Variants in ALG5 observed in about 807,000 individuals in gnomAD.
ALG5 encodes the protein ALG5 dolichyl-phosphate beta-glucosyltransferase, also known as dolichyl-phosphate beta-glucosyltransferase.
In ALG5, 26 loss-of-function variants were observed where a neutral mutation model predicts 51.8. The observed-to-expected ratio is 0.50, with a 90% CI of 0.37 to 0.70. The LOEUF is 0.70. ALG5 is among the 30% of genes least tolerant of loss of function. The pLI, the probability that ALG5 is intolerant of heterozygous loss-of-function variation, is 0.00. For missense variants in ALG5, 311 were observed against 399.3 expected, an observed-to-expected ratio of 0.78 and a Z score of 1.88; for synonymous variants, 141 against 136.1, an observed-to-expected ratio of 1.04 and a Z score of -0.25.
chr13:36,969,822 A>G (rs1290103664), intron 7 of ALG5, among the ~76,000 whole-genome samples: 1 of 152,166 alleles, frequency 6.6e-6, no homozygotes, highest in Non-Finnish European at 1.5e-5. Flanking sequence ...GGTGTGAGCC[A>G]CTGTGTCCAG....
rs371038041 is a variant in ALG5, at chr13:36,959,836, T to A, written c.773+5739A>T. Among the ~76,000 whole-genome samples the A allele has an allele frequency of 8.0e-4, 121 of 152,106 alleles. 1 individual carries two copies. The highest frequency in any genetic ancestry group is 2.8e-3 in the African/African-American group (118 of 41,526). On this transcript the variant is annotated intron_variant, in intron 8 of 9. Coordinates refer to ENST00000239891, the MANE Select transcript of ALG5 (RefSeq NM_013338.5). ...TAGAAAGTTAATAGAGGAATGTGCT[T>A]TACTAACATGGGGGTATAAATAAGG...
intron 8 of ALG5, among the ~76,000 whole-genome samples, chr13:36,963,350 G>A (rs1469442878): frequency 6.6e-6 from 1 of 152,132 alleles, no homozygotes; most frequent in African/African-American, 2.4e-5. Context: ...TCCTGACAGG[G>A]AAGCTTCATG....
intron 6 of ALG5, among the ~76,000 whole-genome samples, chr13:36,977,497 T>TA (rs2058957425): frequency 6.6e-6 from 1 of 151,698 alleles, no homozygotes; most frequent in African/African-American, 2.4e-5. Flanking sequence ...CCAACTCATT[T>TA]AAAAAAACAA....
rs2058930857 is a variant in ALG5, at chr13:36,972,794, C to T, written c.562-758G>A. 3.3e-5 allele frequency among the ~76,000 whole-genome samples: 5 copies of T among 152,074 alleles called. No individual in the cohort carries two copies. The South Asian group carries it at 1.0e-3, about 31-fold the overall frequency. ...GATCACGAGGTCAGGAGATCGAGAT[C>T]ATCCTGGCTAACACAGCGAAACCCC... On this transcript the variant is annotated intron_variant, in intron 6 of 9. Transcript: ENST00000239891.
At chr13:36,950,375 C>T (rs910750551) in intron 9 of ALG5, among the ~76,000 whole-genome samples, 8 of 152,258 alleles carry the variant, frequency 5.3e-5, no homozygotes, top group African/African-American at 1.9e-4. Flanking sequence ...TCACTGAGTG[C>T]TCATTACTGA....
At chr13:36,982,109 AAAC>A (rs200434481) in intron 6 of ALG5, among the ~76,000 whole-genome samples, 3,053 of 152,230 alleles carry the variant, frequency 0.02, 74 homozygotes, top group East Asian at 0.081. Context: ...ACAAACAAAC[AAAC>A]AACAACAACA....
intron 3 of ALG5, 34 bp downstream of exon 3, chr13:36,994,955 T>A: frequency 4.4e-6 from 7 of 1,586,172 alleles, no homozygotes; most frequent in Non-Finnish European, 6.0e-6. Flanking sequence ...TAGTTTTAAT[T>A]GGAGATATCA....
At chr13:36,968,477 A>C (rs2058905545) in intron 7 of ALG5, among the ~76,000 whole-genome samples, 1 of 152,242 alleles carries the variant, frequency 6.6e-6, no homozygotes, top group African/African-American at 2.4e-5. Flanking sequence ...TTTTAAAATG[A>C]TAAATTCAAG....
intron 7 of ALG5, among the ~76,000 whole-genome samples, chr13:36,966,147 C>T (rs2058892471): frequency 6.6e-6 from 1 of 152,130 alleles, no homozygotes; most frequent in African/African-American, 2.4e-5. Flanking sequence ...TATAAGCCTG[C>T]AGTTGATACT....
chr13:36,956,441 C>T (rs992796571), intron 8 of ALG5, among the ~76,000 whole-genome samples: 13 of 152,212 alleles, frequency 8.5e-5, no homozygotes, highest in African/African-American at 3.1e-4. Context: ...AAACTAAAAA[C>T]AGAATTACCA....
At chr13:36,957,057 G>A (rs1419822323) in intron 8 of ALG5, among the ~76,000 whole-genome samples, 1 of 151,838 alleles carries the variant, frequency 6.6e-6, no homozygotes, top group Non-Finnish European at 1.5e-5. Flanking sequence ...GCTAACCAAT[G>A]GAAATTACTT....
At chr13:36,986,846 G>A (rs986660953) in intron 5 of ALG5, among the ~76,000 whole-genome samples, 4 of 152,158 alleles carry the variant, frequency 2.6e-5, no homozygotes, top group African/African-American at 9.7e-5. Flanking sequence ...AAAAAAACTG[G>A]AGCTATTAGT....
intron 8 of ALG5, among the ~76,000 whole-genome samples, chr13:36,964,770 C>A (rs1459395493): frequency 3.9e-5 from 6 of 152,072 alleles, no homozygotes; most frequent in African/African-American, 1.4e-4. Context: ...ACTAAAAATA[C>A]AAAAACTAGC....
chr13:36,995,116 A>T, intron 2 of ALG5, 81 bp from the exon 3 acceptor site: 1 of 1,234,460 alleles, frequency 8.1e-7, no homozygotes, highest in Non-Finnish European at 1.2e-6. Flanking sequence ...TACAGAAAAA[A>T]GTCCCAATAA....
intron 8 of ALG5, among the ~76,000 whole-genome samples, chr13:36,955,020 T>TG (rs2138779035): frequency 6.6e-6 from 1 of 152,298 alleles, no homozygotes; most frequent in East Asian, 1.9e-4. Context: ...GCTCAGGCAT[T>TG]GAAGGCCTCA....
chr13:36,987,185 C>G (rs919856894), intron 5 of ALG5, among the ~76,000 whole-genome samples: 1 of 152,208 alleles, frequency 6.6e-6, no homozygotes, highest in African/African-American at 2.4e-5. Context: ...CTGGATACCA[C>G]TGCATGTTGT....
At chr13:36,980,999 T>C (rs2058976887) in intron 6 of ALG5, among the ~76,000 whole-genome samples, 1 of 152,050 alleles carries the variant, frequency 6.6e-6, no homozygotes, top group Admixed American at 6.6e-5. Flanking sequence ...TAAAATAAAA[T>C]TTTTAGTATG....
At chr13:36,998,184 C>G (rs1024734714) in intron 1 of ALG5, among the ~76,000 whole-genome samples, 2 of 152,036 alleles carry the variant, frequency 1.3e-5, no homozygotes, top group African/African-American at 2.4e-5. Context: ...GAATCCACTC[C>G]CCGCCCGCAC....
intron 6 of ALG5, among the ~76,000 whole-genome samples, chr13:36,977,643 T>C (rs1479873464): frequency 2.6e-5 from 4 of 151,254 alleles, no homozygotes; most frequent in Non-Finnish European, 5.9e-5. Context: ...AATACAAAAA[T>C]CAGCCAGGCA....
Sources: gnomAD v4.1 joint callset for allele counts (sites outside exome capture counted in the v4.1 genomes callset) on GRCh38, gnomAD v4.1.1 for gene constraint, MANE v1.5 for transcripts, NCBI Gene and HGNC (gene_info 2026-07-23, HGNC 2026-07-21) for gene names.